RARB: variants seen among roughly 807,000 people sequenced by gnomAD.
RARB encodes retinoic acid receptor beta.
A neutral mutation model predicts 51.9 loss-of-function variants in RARB; 17 were observed. That is an observed-to-expected ratio of 0.33 (90% confidence interval 0.22 to 0.49). The LOEUF (loss-of-function observed/expected upper bound fraction) is 0.49. RARB is among the 20% of genes least tolerant of loss of function. The pLI is 0.99. For missense variants in RARB, 369 were observed against 550.8 expected, an observed-to-expected ratio of 0.67 and a Z score of 3.30; for synonymous variants, 215 against 195.4, an observed-to-expected ratio of 1.10 and a Z score of -0.84.
intron 2 of RARB, among the ~76,000 whole-genome samples, chr3:24,859,548 G>A (rs1702702878): frequency 6.6e-6 from 1 of 152,160 alleles, no homozygotes; most frequent in Non-Finnish European, 1.5e-5. Flanking sequence ...GTTTCTAAAT[G>A]TGGTAATCTT....
chr3:25,106,869 T>C (rs1163417236), intron 3 of RARB, among the ~76,000 whole-genome samples: 1 of 149,844 alleles, frequency 6.7e-6, no homozygotes, highest in East Asian at 2.0e-4. Flanking sequence ...CAGATTCCAT[T>C]TTTTTCTAAA....
At chr3:25,126,378 T>A (rs1350693305) in intron 3 of RARB, among the ~76,000 whole-genome samples, 1 of 152,134 alleles carries the variant, frequency 6.6e-6, no homozygotes. Flanking sequence ...TCAGGTGATT[T>A]GAAGCAAGCT....
chr3:25,381,242 G>T (rs189677723), intron 5 of RARB, among the ~76,000 whole-genome samples: 2 of 152,262 alleles, frequency 1.3e-5, no homozygotes, highest in East Asian at 1.9e-4. Context: ...TTTAAGGGAG[G>T]CTCCCAAGGA....
chr3:25,422,838 G>C (rs771125769), intron 5 of RARB, among the ~76,000 whole-genome samples: 18 of 152,264 alleles, frequency 1.2e-4, no homozygotes, highest in African/African-American at 4.1e-4. Context: ...GGTTTTATAA[G>C]GATACAGACA....
chr3:25,509,019 T>C (rs1263047705), intron 3 of RARB, among the ~76,000 whole-genome samples: 1 of 152,124 alleles, frequency 6.6e-6, no homozygotes, highest in Non-Finnish European at 1.5e-5. Context: ...TTTACTAATA[T>C]ATTTCTCCCC....
chr3:25,040,366 G>C (rs9847186), intron 2 of RARB, among the ~76,000 whole-genome samples: 1 of 151,950 alleles, frequency 6.6e-6, no homozygotes, highest in African/African-American at 2.4e-5. Flanking sequence ...TCATAGGAGG[G>C]TGGAATCCAT....
chr3:25,106,454 T>TGTG lies in RARB; in HGVS notation c.-327-25707_-327-25706insGTG, dbSNP rs572269395. Reference sequence around the variant, plus strand: ...CCATGCCCAGCTACTGTTTTTTGTTTTTTGTTTTTTTTTGTTTTGTTTTTT... The same window carrying TGTG: ...CCATGCCCAGCTACTGTTTTTTGTTTGTGTTTGTTTTTTTTTGTTTTGTTTTTT... On this transcript the variant is annotated intron_variant, in intron 3 of 11. Transcript: ENST00000383772. 3.1e-4 allele frequency among the ~76,000 whole-genome samples: 28 copies of TGTG among 89,910 alleles called. 1 individual carries two copies. The South Asian group carries it at 9.6e-3, about 31-fold the overall frequency. The allele number at this position is 89,910 out of a possible 152,430, so 59.0% of individuals were successfully genotyped here. A position where few individuals can be genotyped will look rare whatever the true frequency, so the allele number is the denominator to read the frequency against.
At chr3:25,233,694 G>A (rs1295782778) in intron 5 of RARB, among the ~76,000 whole-genome samples, 1 of 151,102 alleles carries the variant, frequency 6.6e-6, no homozygotes, top group Non-Finnish European at 1.5e-5. Context: ...TGTTGTTGTT[G>A]TTGTAGGTGC....
At chr3:25,522,524 G>C (rs562245508) in intron 3 of RARB, among the ~76,000 whole-genome samples, 2 of 152,270 alleles carry the variant, frequency 1.3e-5, no homozygotes, top group Non-Finnish European at 2.9e-5. Context: ...CCAGGGAAAG[G>C]TGGCAGGTTA....
rs141417002 is a variant in RARB at position 25,410,216 on chromosome 3, T to C, written c.179-50977T>C. ...CCTTTCTTTGATTAGCAAATACATA[T>C]AACCTAAGATACAAATGAGTAGGCC... On this transcript the variant is annotated intron_variant, in intron 5 of 11. Coordinates refer to the RARB transcript ENST00000383772. Among the ~76,000 whole-genome samples the C allele has an allele frequency of 4.5e-3, 678 of 152,314 alleles. 6 individuals are homozygous for C. The highest frequency in any genetic ancestry group is 0.016 in the African/African-American group (651 of 41,552).
intron 3 of RARB, among the ~76,000 whole-genome samples, chr3:25,538,022 C>G (rs542759921): frequency 6.6e-6 from 1 of 152,330 alleles, no homozygotes; most frequent in African/African-American, 2.4e-5. Context: ...GATATTATCT[C>G]TGGAAGTTTT....
chr3:25,248,793 T>A (rs1359221380), intron 5 of RARB, among the ~76,000 whole-genome samples: 1 of 152,206 alleles, frequency 6.6e-6, no homozygotes, highest in Non-Finnish European at 1.5e-5. Flanking sequence ...GTCTACTGCT[T>A]ATATGTCTAC....
intron 2 of RARB, among the ~76,000 whole-genome samples, chr3:24,938,389 T>A (rs1695589373): frequency 6.6e-6 from 1 of 152,154 alleles, no homozygotes. Context: ...ATGTTCCCAT[T>A]TTAGGGAGTG....
chr3:25,543,254 C>T (rs749363425), intron 3 of RARB, among the ~76,000 whole-genome samples: 4 of 152,148 alleles, frequency 2.6e-5, no homozygotes, highest in Non-Finnish European at 4.4e-5. Context: ...AGATAAAAGA[C>T]TTGGCTTTTA....
chr3:25,571,703 A>G (rs1268361393), intron 4 of RARB, among the ~76,000 whole-genome samples: 2 of 152,256 alleles, frequency 1.3e-5, no homozygotes, highest in Non-Finnish European at 2.9e-5. Context: ...AGCCACCATC[A>G]GCCCCATGAC....
At chr3:25,578,657 G>A (rs893699166) in intron 4 of RARB, among the ~76,000 whole-genome samples, 4 of 152,170 alleles carry the variant, frequency 2.6e-5, no homozygotes, top group Non-Finnish European at 4.4e-5. Flanking sequence ...ATACCACCAA[G>A]GTCCTTGAGG....
At chr3:25,169,073 A>T (rs1288992133) in intron 4 of RARB, among the ~76,000 whole-genome samples, 1 of 152,240 alleles carries the variant, frequency 6.6e-6, no homozygotes, top group Non-Finnish European at 1.5e-5. Flanking sequence ...AATGACTTCT[A>T]ATCCACAATT....
At chr3:24,846,138 G>A (rs1004124294) in intron 1 of RARB, among the ~76,000 whole-genome samples, 5 of 152,170 alleles carry the variant, frequency 3.3e-5, no homozygotes, top group Admixed American at 3.3e-4. Flanking sequence ...AGACAAAATT[G>A]GTGGTTTAAC....
intron 5 of RARB, among the ~76,000 whole-genome samples, chr3:25,356,064 C>T (rs530783991): frequency 1.3e-5 from 2 of 152,140 alleles, no homozygotes; most frequent in South Asian, 2.1e-4. Context: ...TAGTAAAGAT[C>T]GCTGATTACA....
Sources: gnomAD v4.1 joint callset for allele counts (sites outside exome capture counted in the v4.1 genomes callset) on GRCh38, gnomAD v4.1.1 for gene constraint, MANE v1.5 for transcripts, NCBI Gene and HGNC (gene_info 2026-07-23, HGNC 2026-07-21) for gene names.